The following EDA variants were observed in gnomAD, a reference collection of about 807,000 sequenced individuals.
The protein encoded by EDA is ectodysplasin A.
EDA carries 2 observed loss-of-function variants against 23.6 expected under a neutral mutation model. The ratio of observed to expected loss-of-function variants is 0.08; its 90% confidence interval spans 0.03 to 0.27. The LOEUF is 0.27. Ranked by LOEUF, EDA falls within the 10% of genes least tolerant of loss-of-function variation. The pLI, the probability that EDA is intolerant of heterozygous loss-of-function variation, is 1.00. For synonymous variants in EDA, 131 were observed against 132.0 expected (o/e 0.99, Z 0.05); for missense variants, 229 against 324.2 (o/e 0.71, Z 2.26).
In EDA at chrX:69,992,802, T is replaced by A. The variant is rs974268743; in HGVS notation, c.503-30416T>A. ...CATTTTGCCACATTTTCACCAAAATTTGTATTAATGTAGTCAACTTTATTC... is the reference window on the plus strand; with the variant it reads ...CATTTTGCCACATTTTCACCAAAATATGTATTAATGTAGTCAACTTTATTC... On this transcript the variant is annotated intron_variant, in intron 2 of 7. Transcript: ENST00000374552. 4.5e-5 allele frequency among the ~76,000 whole-genome samples: 5 copies of A among 112,276 alleles called. No individual in the cohort carries two copies. The Admixed American group carries it at 4.7e-4, about 11-fold the overall frequency.
intron 1 of EDA, among the ~76,000 whole-genome samples, chrX:69,708,444 G>C (rs1569303301): frequency 9.0e-6 from 1 of 110,994 alleles, no homozygotes; most frequent in Non-Finnish European, 1.9e-5. Context: ...TAGTTCATCA[G>C]TTCATTAGGT....
chrX:69,824,080 ATG>A lies in EDA; in HGVS notation c.397-132946_397-132945del, dbSNP rs1473094313. ...ATATCTCTGTTTTGGTACCAGTACC[ATG>A]CTGTTTTGGTTACTGTAGCCTTGTA... On this transcript the variant is annotated intron_variant, in intron 1 of 7. Coordinates refer to ENST00000374552, the MANE Select transcript of EDA (RefSeq NM_001399.5). Among the ~76,000 whole-genome samples the A allele has an allele frequency of 5.0e-5, 5 of 99,845 alleles. No individual in the cohort carries two copies. The East Asian group carries it at 1.7e-3, about 33-fold the overall frequency. The allele number at this position is 99,845 out of a possible 115,157, so 86.7% of individuals were successfully genotyped here.
chrX:69,762,208 A>G (rs2014329895), intron 1 of EDA, among the ~76,000 whole-genome samples: 2 of 111,790 alleles, frequency 1.8e-5, no homozygotes, highest in Non-Finnish European at 3.8e-5. Flanking sequence ...TTTCGTGAAT[A>G]GTAGTCTAGA....
intron 1 of EDA, among the ~76,000 whole-genome samples, chrX:69,955,457 G>C (rs1016471315): frequency 7.2e-4 from 80 of 111,652 alleles, no homozygotes; most frequent in African/African-American, 2.3e-3. Context: ...TAAGGATATT[G>C]GGTAAATCAC....
At chrX:69,636,729 C>T (rs1932781472) in intron 1 of EDA, among the ~76,000 whole-genome samples, 1 of 109,060 alleles carries the variant, frequency 9.2e-6, no homozygotes, top group Admixed American at 9.9e-5. Flanking sequence ...TCAAGGAAAC[C>T]GTTTCTTCTT....
At chrX:69,710,807 G>A (rs2011980307) in intron 1 of EDA, among the ~76,000 whole-genome samples, 1 of 109,406 alleles carries the variant, frequency 9.1e-6, no homozygotes, top group African/African-American at 3.5e-5. Flanking sequence ...TGTTATTGGT[G>A]TATAAGAATG....
intron 1 of EDA, among the ~76,000 whole-genome samples, chrX:69,732,124 A>C (rs2013055983): frequency 9.0e-6 from 1 of 111,544 alleles, no homozygotes. Context: ...TTATACTTTT[A>C]AGTTCTAGGG....
intron 1 of EDA, among the ~76,000 whole-genome samples, chrX:69,901,212 A>G (rs931186442): frequency 9.0e-6 from 1 of 111,717 alleles, no homozygotes; most frequent in Non-Finnish European, 1.9e-5. Flanking sequence ...TTCTATAGAA[A>G]TTATGTTATT....
At chrX:69,814,195 T>C (rs1258797591) in intron 1 of EDA, among the ~76,000 whole-genome samples, 1 of 112,793 alleles carries the variant, frequency 8.9e-6, no homozygotes, top group Non-Finnish European at 1.9e-5. Flanking sequence ...TATGTACCCA[T>C]ACATTTATGT....
Position 69,831,112 on chromosome X carries a change from C to T in EDA, c.397-125915C>T, listed in dbSNP as rs191975603. On this transcript the variant is annotated intron_variant, in intron 1 of 7. Transcript: ENST00000374552. Reference sequence around the variant, plus strand: ...TAAGTTCTAGGGTACATGTGCACAACGTACAAGTTTGATACATAAGTATAC... The same window carrying T: ...TAAGTTCTAGGGTACATGTGCACAATGTACAAGTTTGATACATAAGTATAC... Among the ~76,000 whole-genome samples the T allele has an allele frequency of 6.0e-4, 67 of 111,463 alleles. 1 individual carries two copies. The highest frequency in any genetic ancestry group is 2.0e-3 in the African/African-American group (61 of 30,677).
chrX:69,788,396 C>T (rs1323434282), intron 1 of EDA, among the ~76,000 whole-genome samples: 1 of 112,021 alleles, frequency 8.9e-6, no homozygotes. Flanking sequence ...AGTTTTTCTG[C>T]TCTGTTTTTT....
intron 1 of EDA, among the ~76,000 whole-genome samples, chrX:69,777,144 T>G (rs2188452): frequency 4.5e-4 from 48 of 106,831 alleles, no homozygotes; most frequent in Middle Eastern, 9.7e-3. Context: ...GATTCTGGGT[T>G]TTGTTGTTGT....
chrX:69,891,931 A>T (rs1049259870), intron 1 of EDA, among the ~76,000 whole-genome samples: 1 of 107,763 alleles, frequency 9.3e-6, no homozygotes, highest in Non-Finnish European at 1.9e-5. Context: ...AGTTGGAAAT[A>T]AAAAAAAAAG....
chrX:69,720,797 T>G (rs972493160), intron 1 of EDA, among the ~76,000 whole-genome samples: 1 of 112,847 alleles, frequency 8.9e-6, no homozygotes, highest in African/African-American at 3.2e-5. Context: ...GAAACATTGT[T>G]ATAATAGCTG....
chrX:69,945,313 G>A (rs192048391), intron 1 of EDA, among the ~76,000 whole-genome samples: 2 of 112,004 alleles, frequency 1.8e-5, no homozygotes, highest in African/African-American at 6.5e-5. Flanking sequence ...GATCTTGGGA[G>A]AGAGAGGAGC....
chrX:69,671,010 G>A (rs867685480), intron 1 of EDA, among the ~76,000 whole-genome samples: 2 of 111,066 alleles, frequency 1.8e-5, no homozygotes, highest in Non-Finnish European at 3.8e-5. Context: ...GTGTCCCTGC[G>A]TTGATGGCTG....
chrX:69,719,893 G>A (rs1399324261), intron 1 of EDA, among the ~76,000 whole-genome samples: 1 of 110,317 alleles, frequency 9.1e-6, no homozygotes, highest in African/African-American at 3.3e-5. Flanking sequence ...GGGACTACAG[G>A]TGTGCACCAC....
chrX:69,734,245 T>C (rs1361161161), intron 1 of EDA, among the ~76,000 whole-genome samples: 1 of 111,701 alleles, frequency 9.0e-6, no homozygotes, highest in Non-Finnish European at 1.9e-5. Context: ...TGTAGTATTC[T>C]CTTATTATCT....
chrX:69,616,964 G>A (rs887153200), intron 1 of EDA: 32 of 432,336 alleles, frequency 7.4e-5, no homozygotes, highest in African/African-American at 7.0e-4. Flanking sequence ...GGGCTGCCTC[G>A]AGAAAAGTTG....
Sources: gnomAD v4.1 joint callset for allele counts (sites outside exome capture counted in the v4.1 genomes callset) on GRCh38, gnomAD v4.1.1 for gene constraint, MANE v1.5 for transcripts, NCBI Gene and HGNC (gene_info 2026-07-23, HGNC 2026-07-21) for gene names.